PWWP3B: variants seen among roughly 807,000 people sequenced by gnomAD.
The protein encoded by PWWP3B is PWWP domain containing 3B.
Under a neutral mutation model 15.7 loss-of-function variants are expected in PWWP3B, and 5 were observed. That is an observed-to-expected ratio of 0.32 (90% CI 0.17 to 0.67). The LOEUF (loss-of-function observed/expected upper bound fraction) is 0.67. PWWP3B is among the 30% of genes least tolerant of loss of function. The pLI, the probability that PWWP3B is intolerant of heterozygous loss-of-function variation, is 0.74. For missense variants in PWWP3B, 519 were observed against 493.1 expected (o/e 1.05, Z -0.50); for synonymous variants, 203 against 179.8 (o/e 1.13, Z -1.03).
rs868208785 is a variant in PWWP3B, at chrX:106,205,249, G to A, written c.-184G>A. The A allele has an allele frequency of 2.7e-5, 10 of 366,610 alleles. No individual in the cohort carries two copies. The highest frequency in any genetic ancestry group is 3.7e-5 in the Non-Finnish European group (8 of 213,697). The allele number at this position is 366,610 out of a possible 1,213,427, so 30.2% of individuals were successfully genotyped here. A position where few individuals can be genotyped will look rare whatever the true frequency, so the allele number is the denominator to read the frequency against. On this transcript the variant is annotated 5_prime_UTR_variant, in exon 4 of 4. In the 5' UTR this introduces an upstream ATG that the reference lacks. Coordinates refer to ENST00000357175, the MANE Select transcript of PWWP3B (RefSeq NM_001171020.2). ...TCCGGTATCATCCTATTCAAACAAC[G>A]TGTTCAAGCATCCTTGGAAAATTGA...
rs745908019 is a variant in PWWP3B at position 106,206,176 on chromosome X, C to T, written c.744C>T (p.Leu248=). The T allele has an allele frequency of 2.0e-5, 24 of 1,206,001 alleles. No homozygotes were observed. The East Asian group carries it at 6.5e-4, about 33-fold the overall frequency. ...PPLSPLSSDM[L]IMPKALKEES... ...TGTCACCTTTGTCATCAGATATGCT[C>T]ATTATGCCCAAAGCTTTGAAAGAAG... The change falls in exon 4 of 4, where the codon CTC becomes CTT. Residue 248 remains leucine (L), a synonymous_variant. Transcript: ENST00000357175.
In PWWP3B at chrX:106,206,968, C is replaced by T; in HGVS notation, c.1536C>T (p.Asn512=). Residue 512 remains asparagine, a synonymous_variant, in exon 4 of 4, where the codon AAC becomes AAT. Transcript: ENST00000357175. ...RKETKQDTFR[N]KFPKLHNEDA... The stretch of plus-strand genomic sequence containing the variant: ...AAACAAAACAGGATACTTTCAGGAA[C>T]AAATTTCCAAAGCTGCATAATGAAG... 1.7e-6 allele frequency: 2 copies of T among 1,211,013 alleles called. No homozygotes were observed. The highest frequency in any genetic ancestry group is 2.2e-6 in the Non-Finnish European group (2 of 895,211).
At chrX:106,180,367 C>A (rs760981108) in intron 2 of PWWP3B, among the ~76,000 whole-genome samples, 1 of 111,033 alleles carries the variant, frequency 9.0e-6, no homozygotes, top group Non-Finnish European at 1.9e-5. Flanking sequence ...TTAAATATTT[C>A]CCCCCCAACC....
chrX:106,190,147 G>T (rs77386223), intron 2 of PWWP3B, among the ~76,000 whole-genome samples: 2,620 of 110,918 alleles, frequency 0.024, 94 homozygotes, highest in African/African-American at 0.082. Flanking sequence ...TGAACTAGTT[G>T]ACAGTCCCAC....
chrX:106,175,360 C>T (rs1602822425), intron 2 of PWWP3B, among the ~76,000 whole-genome samples: 1 of 105,690 alleles, frequency 9.5e-6, no homozygotes, highest in Admixed American at 1.0e-4. Context: ...CCTGCCTCAG[C>T]CTCCCGAGTA....
Position 106,206,426 on chromosome X carries a change from C to T in PWWP3B, c.994C>T (p.His332Tyr), listed in dbSNP as rs775081446. Residue 332 changes from histidine (H) to tyrosine (Y), a missense_variant, in exon 4 of 4, where the codon CAT (histidine) becomes TAT (tyrosine). Physicochemically the swap from His to Tyr is moderately conservative, Grantham distance 83. Transcript: ENST00000357175. ...SASNPVWDYS[H>Y]LMSSERNFQR... is the part of the protein sequence containing the mutation. ...CTCTAACCCTGTCTGGGATTATTCACATCTTATGAGTAGTGAAAGAAATTT... is the reference window on the plus strand; with the variant it reads ...CTCTAACCCTGTCTGGGATTATTCATATCTTATGAGTAGTGAAAGAAATTT... The T allele has an allele frequency of 3.3e-6, 4 of 1,209,927 alleles. No individual in the cohort carries two copies. The highest frequency in any genetic ancestry group is 5.9e-5 in the East Asian group (2 of 33,817).
At chrX:106,185,914 C>T (rs1020410354) in intron 2 of PWWP3B, among the ~76,000 whole-genome samples, 1 of 111,996 alleles carries the variant, frequency 8.9e-6, no homozygotes, top group African/African-American at 3.2e-5. Flanking sequence ...GAGGATGGAT[C>T]CTAAAATTCC....
chrX:106,168,809 C>T (rs913166917), intron 1 of PWWP3B, among the ~76,000 whole-genome samples: 5 of 112,016 alleles, frequency 4.5e-5, no homozygotes, highest in African/African-American at 1.6e-4. Flanking sequence ...ACAAATCTTA[C>T]TGTTTTGGTG....
intron 2 of PWWP3B, among the ~76,000 whole-genome samples, chrX:106,174,694 A>T (rs775756959): frequency 8.9e-6 from 1 of 111,905 alleles, no homozygotes; most frequent in Admixed American, 9.4e-5. Context: ...CACAAAAGAG[A>T]CTTCTCATAA....
chrX:106,207,635 G>T lies in PWWP3B; in HGVS notation c.*112G>T. The stretch of plus-strand genomic sequence containing the variant: ...TTCTGCAAATGGGAGCATGGATAAT[G>T]TGTTCACTTTTTTTTGAGATCTCTA... On this transcript the variant is annotated 3_prime_UTR_variant, in exon 4 of 4. Coordinates refer to ENST00000357175, the MANE Select transcript of PWWP3B (RefSeq NM_001171020.2). 1 of 743,901 alleles carries T rather than the reference G, an allele frequency of 1.3e-6. No homozygotes were observed. The highest frequency in any genetic ancestry group is 1.8e-6 in the Non-Finnish European group (1 of 542,327). The allele number at this position is 743,901 out of a possible 1,213,427, so 61.3% of individuals were successfully genotyped here.
Position 106,208,619 on chromosome X carries a change from G to C in PWWP3B, c.*1096G>C, listed in dbSNP as rs1260210102. ...AAGGAGTAGATGAACCAGAATCTGA[G>C]AATTTGGAAATAGGTCACAGAAAAA... On this transcript the variant is annotated 3_prime_UTR_variant, in exon 4 of 4. Transcript: ENST00000357175. The C allele has an allele frequency of 8.1e-6, 1 of 124,006 alleles. No individual in the cohort carries two copies. Among genetic ancestry groups the C allele is most frequent in the Non-Finnish European group, 1.9e-5 (1 of 53,449 alleles). 10.2% of individuals were successfully genotyped at this position (124,006 alleles called of 1,213,427 possible).
At chrX:106,192,644 T>C (rs1399905636) in intron 2 of PWWP3B, among the ~76,000 whole-genome samples, 3 of 111,828 alleles carry the variant, frequency 2.7e-5, no homozygotes, top group Non-Finnish European at 5.6e-5. Context: ...AGGTTGTCAA[T>C]TTTAGATCTT....
chrX:106,207,009 T>C lies in PWWP3B; in HGVS notation c.1577T>C (p.Met526Thr). ...CATAATGAAGATGCCAGGGAACCGA[T>C]GGCTGTAACTTCCCAGACCAAGAAA... Reference protein sequence around the residue: ...KLHNEDAREPMAVTSQTKKMS... With the variant: ...KLHNEDAREPTAVTSQTKKMS... Residue 526 changes from methionine to threonine, a missense_variant, in exon 4 of 4, where the codon ATG becomes ACG. Transcript: ENST00000357175. 3.3e-6 allele frequency: 4 copies of C among 1,210,210 alleles called. No individual in the cohort carries two copies. Among genetic ancestry groups the C allele is most frequent in the Non-Finnish European group, 4.5e-6 (4 of 894,602 alleles).
intron 2 of PWWP3B, among the ~76,000 whole-genome samples, chrX:106,182,502 G>C (rs1190998017): frequency 9.0e-6 from 1 of 111,624 alleles, no homozygotes; most frequent in Non-Finnish European, 1.9e-5. Flanking sequence ...TGGGTAGACA[G>C]AACTGGTTGT....
At chrX:106,190,768 G>C (rs888147373) in intron 2 of PWWP3B, among the ~76,000 whole-genome samples, 13 of 111,876 alleles carry the variant, frequency 1.2e-4, no homozygotes, top group South Asian at 3.7e-4. Context: ...CATATGGCTA[G>C]CCAGTTTTCC....
At chrX:106,173,347 A>G (rs1247863797) in intron 2 of PWWP3B, among the ~76,000 whole-genome samples, 1 of 111,944 alleles carries the variant, frequency 8.9e-6, no homozygotes, top group Non-Finnish European at 1.9e-5. Context: ...CAGAGAAAAT[A>G]ACGATGGGAT....
chrX:106,181,663 C>T lies in PWWP3B; in HGVS notation c.-401+10524C>T, dbSNP rs935509170. On this transcript the variant is annotated intron_variant, in intron 2 of 3. Coordinates refer to ENST00000357175, the MANE Select transcript of PWWP3B (RefSeq NM_001171020.2). The stretch of plus-strand genomic sequence containing the variant: ...CTGCTGTTAGGAATTGGGCAATGAC[C>T]GCTCTAGCTACTTCCTGCTGGATAG... 7.2e-5 allele frequency among the ~76,000 whole-genome samples: 8 copies of T among 111,769 alleles called. No individual in the cohort carries two copies. In the East Asian group the frequency reaches 8.5e-4, roughly 12 times the overall value.
At chrX:106,184,277 T>A (rs1446550016) in intron 2 of PWWP3B, among the ~76,000 whole-genome samples, 1 of 111,483 alleles carries the variant, frequency 9.0e-6, no homozygotes, top group Non-Finnish European at 1.9e-5. Context: ...AATTATCTTT[T>A]TGGATCAGTT....
At chrX:106,190,783 A>C (rs1005693450) in intron 2 of PWWP3B, among the ~76,000 whole-genome samples, 5 of 111,596 alleles carry the variant, frequency 4.5e-5, no homozygotes, top group African/African-American at 1.6e-4. Flanking sequence ...TTTTCCCAGC[A>C]CTGTTTATTA....
Sources: allele counts gnomAD v4.1 joint callset (sites outside exome capture counted in the v4.1 genomes callset), GRCh38; gene constraint gnomAD v4.1.1; transcripts MANE v1.5; gene names NCBI Gene and HGNC (gene_info 2026-07-23, HGNC 2026-07-21).